Variants in KLF8 observed in about 807,000 individuals in gnomAD.
KLF8 encodes Krueppel-like factor 8.
Under a neutral mutation model 18.2 loss-of-function variants are expected in KLF8, and 10 were observed. The observed-to-expected ratio is 0.55, with a 90% confidence interval of 0.34 to 0.93. The LOEUF (loss-of-function observed/expected upper bound fraction) is 0.93, where lower values mean the gene tolerates loss of function less well. KLF8 is among the 40% of genes least tolerant of loss of function. The pLI is 0.02. For missense variants in KLF8, 264 were observed against 277.9 expected, an observed-to-expected ratio of 0.95 and a Z score of 0.36; for synonymous variants, 109 against 97.3, an observed-to-expected ratio of 1.12 and a Z score of -0.71.
At chrX:55,945,832 T>G in the KLF8 span, among the ~76,000 whole-genome samples, 1 of 110,957 alleles carries the variant, frequency 9.0e-6, no homozygotes, top group African/African-American at 3.3e-5. Flanking sequence ...ACAAGCATTC[T>G]TATACACCAG....
At chrX:55,921,071 T>G in the KLF8 span, among the ~76,000 whole-genome samples, 1 of 112,174 alleles carries the variant, frequency 8.9e-6, no homozygotes, top group Non-Finnish European at 1.9e-5. Context: ...AAAAAGTAAC[T>G]ATAATCAGAA....
chrX:56,165,481 A>C, the KLF8 span, among the ~76,000 whole-genome samples: 2 of 112,381 alleles, frequency 1.8e-5, no homozygotes, highest in Non-Finnish European at 3.8e-5. Context: ...CCTATGCATG[A>C]TTTCGTAATA....
the KLF8 span, among the ~76,000 whole-genome samples, chrX:56,174,044 G>C: frequency 6.3e-5 from 7 of 111,867 alleles, no homozygotes; most frequent in African/African-American, 2.3e-4. Context: ...TCTGCAAACA[G>C]GGACAATTTG....
chrX:56,112,161 G>A, the KLF8 span, among the ~76,000 whole-genome samples: 1 of 112,043 alleles, frequency 8.9e-6, no homozygotes, highest in Admixed American at 9.4e-5. Context: ...CATAAAAAAG[G>A]ATGAGTTTAT....
the KLF8 span, among the ~76,000 whole-genome samples, chrX:56,185,724 A>G: frequency 8.9e-6 from 1 of 112,112 alleles, no homozygotes; most frequent in Non-Finnish European, 1.9e-5. Flanking sequence ...AATATTCAAC[A>G]TTCTTAAAGA....
the KLF8 span, among the ~76,000 whole-genome samples, chrX:56,151,149 G>T: frequency 1.8e-5 from 2 of 111,866 alleles, no homozygotes; most frequent in Non-Finnish European, 3.8e-5. Context: ...TGGGGCTGAA[G>T]ACACAGAGGT....
At chrX:56,097,331 C>T in the KLF8 span, among the ~76,000 whole-genome samples, 1 of 106,984 alleles carries the variant, frequency 9.3e-6, no homozygotes, top group Non-Finnish European at 1.9e-5. Context: ...AATTTCTACA[C>T]CCTTTCTTTC....
chrX:56,162,228 T>A, the KLF8 span, among the ~76,000 whole-genome samples: 2 of 112,129 alleles, frequency 1.8e-5, no homozygotes, highest in African/African-American at 6.5e-5. Flanking sequence ...TGGACCCACT[T>A]GCGGAGGCAG....
At chrX:56,194,964 T>G in the KLF8 span, among the ~76,000 whole-genome samples, 1 of 111,922 alleles carries the variant, frequency 8.9e-6, no homozygotes, top group Non-Finnish European at 1.9e-5. Flanking sequence ...CTCCAGCAAA[T>G]GCCAACAGCC....
At chrX:56,061,739 C>T in the KLF8 span, among the ~76,000 whole-genome samples, 1 of 110,741 alleles carries the variant, frequency 9.0e-6, no homozygotes, top group African/African-American at 3.3e-5. Flanking sequence ...TCTTGTTTAC[C>T]TGTCTAATAT....
At chrX:56,005,557 T>C in the KLF8 span, among the ~76,000 whole-genome samples, 10 of 112,230 alleles carry the variant, frequency 8.9e-5, 1 homozygote, top group Admixed American at 8.4e-4. Flanking sequence ...TCAGCCTTCA[T>C]GCACATGTTC....
chrX:56,159,021 G>T, the KLF8 span, among the ~76,000 whole-genome samples: 2 of 111,667 alleles, frequency 1.8e-5, no homozygotes, highest in Non-Finnish European at 3.8e-5. Flanking sequence ...TTGGATGTGG[G>T]TTTGTCATAG....
At chrX:56,112,901 C>T in the KLF8 span, among the ~76,000 whole-genome samples, 2 of 110,678 alleles carry the variant, frequency 1.8e-5, no homozygotes, top group East Asian at 2.8e-4. Flanking sequence ...TCTTTTTAAC[C>T]TCTGTGAGCC....
intron 5 of KLF8, 77 bp from the exon 6 acceptor site, chrX:56,284,236 T>G: frequency 1.3e-6 from 1 of 789,961 alleles, no homozygotes; most frequent in African/African-American, 2.1e-5. Flanking sequence ...TTGATACGAG[T>G]TATGTATTCT....
chrX:56,247,717 C>T (rs761473420), intron 1 of KLF8, among the ~76,000 whole-genome samples: 1 of 110,859 alleles, frequency 9.0e-6, no homozygotes, highest in South Asian at 3.8e-4. Context: ...TCTTGTCCCA[C>T]TGGAAGATCT....
At chrX:55,967,086 G>T in the KLF8 span, among the ~76,000 whole-genome samples, 1 of 111,497 alleles carries the variant, frequency 9.0e-6, no homozygotes, top group Non-Finnish European at 1.9e-5. Context: ...AGAGGGACAA[G>T]AATAAAAATA....
At chrX:56,106,149 A>G in the KLF8 span, among the ~76,000 whole-genome samples, 5 of 110,768 alleles carry the variant, frequency 4.5e-5, no homozygotes, top group Non-Finnish European at 9.5e-5. Flanking sequence ...TGCCCTTAAC[A>G]TGTTTTCCTC....
At chrX:56,011,666 C>G in the KLF8 span, among the ~76,000 whole-genome samples, 2 of 110,910 alleles carry the variant, frequency 1.8e-5, no homozygotes, top group African/African-American at 3.3e-5. Flanking sequence ...TTCAATGAAT[C>G]CAGGAGCAGT....
chrX:56,197,696 C>A, the KLF8 span, among the ~76,000 whole-genome samples: 2 of 111,705 alleles, frequency 1.8e-5, no homozygotes, highest in African/African-American at 6.5e-5. Context: ...TGAAATTATT[C>A]CAATCAATAG....
Sources: gnomAD v4.1 joint callset for allele counts (sites outside exome capture counted in the v4.1 genomes callset) on GRCh38, gnomAD v4.1.1 for gene constraint, MANE v1.5 for transcripts, NCBI Gene and HGNC (gene_info 2026-07-23, HGNC 2026-07-21) for gene names.